The following MYH15 variants were observed in gnomAD, a reference collection of about 807,000 sequenced individuals.
The protein encoded by MYH15 is myosin heavy chain 15, also known as myosin-15.
A neutral mutation model predicts 240.5 loss-of-function variants in MYH15; 227 were observed. The observed-to-expected ratio is 0.94, with a 90% confidence interval of 0.85 to 1.05. The LOEUF is 1.05. Among genes scored for constraint, MYH15 ranks in the 50% least tolerant of loss-of-function variants. MYH15 has a pLI of 0.00. For missense variants in MYH15, 2,217 were observed against 2,247.5 expected (o/e 0.99, Z 0.27); for synonymous variants, 785 against 796.7 (o/e 0.99, Z 0.25).
At chr3:108,486,069 G>C (rs2083303079) in intron 10 of MYH15, among the ~76,000 whole-genome samples, 1 of 152,160 alleles carries the variant, frequency 6.6e-6, no homozygotes, top group South Asian at 2.1e-4. Flanking sequence ...TATGCCAAAT[G>C]TCTATGCAGC....
intron 7 of MYH15, among the ~76,000 whole-genome samples, chr3:108,494,517 C>T (rs115064467): frequency 0.01 from 1,568 of 152,006 alleles, 7 homozygotes; most frequent in Non-Finnish European, 0.018. Context: ...TTCTTTAAGG[C>T]AAATTCCTAC....
intron 11 of MYH15, among the ~76,000 whole-genome samples, chr3:108,482,589 A>G (rs966224735): frequency 2.0e-5 from 3 of 152,220 alleles, no homozygotes; most frequent in African/African-American, 7.2e-5. Flanking sequence ...ATAAAAGCAT[A>G]TGTGAATATG....
In MYH15 at chr3:108,450,879, G is replaced by A. The variant is rs928485276; in HGVS notation, c.2399+3127C>T. ...AAAAATAAACACAAAGAAAGTAGAA[G>A]AAAAGAAAGAATAAAGGTAAGATCA... On this transcript the variant is annotated intron_variant, in intron 21 of 40. Transcript: ENST00000693548. Among the ~76,000 whole-genome samples the A allele has an allele frequency of 3.3e-5, 5 of 151,528 alleles. No homozygotes were observed. In the South Asian group the frequency reaches 1.0e-3, roughly 32 times the overall value.
chr3:108,492,447 G>T, intron 9 of MYH15, 53 bp downstream of exon 9: 2 of 1,324,804 alleles, frequency 1.5e-6, no homozygotes, highest in South Asian at 1.3e-5. Flanking sequence ...CCCCAAATAT[G>T]ACTTATTTTT....
chr3:108,397,569 T>C (rs1454319992), intron 35 of MYH15, among the ~76,000 whole-genome samples: 1 of 152,230 alleles, frequency 6.6e-6, no homozygotes, highest in African/African-American at 2.4e-5. Context: ...TCCATACCAG[T>C]CCAGGTTATG....
chr3:108,410,489 G>A, intron 31 of MYH15, 94 bp downstream of exon 31: 1 of 821,012 alleles, frequency 1.2e-6, no homozygotes, highest in Non-Finnish European at 1.8e-6. Flanking sequence ...AAACATGTTG[G>A]GAATGTGAAA....
chr3:108,388,469 T>C (rs1176574064), intron 38 of MYH15, among the ~76,000 whole-genome samples: 2 of 152,178 alleles, frequency 1.3e-5, no homozygotes, highest in Non-Finnish European at 2.9e-5. Flanking sequence ...AGGTCTCTCT[T>C]TAGTATTTTG....
At chr3:108,405,765 C>A (rs2082542160) in intron 32 of MYH15, among the ~76,000 whole-genome samples, 1 of 152,156 alleles carries the variant, frequency 6.6e-6, no homozygotes, top group Non-Finnish European at 1.5e-5. Context: ...TTACCCTTGA[C>A]TTTTTCTAAC....
intron 33 of MYH15, among the ~76,000 whole-genome samples, chr3:108,402,818 T>C (rs2082516201): frequency 1.3e-5 from 2 of 152,192 alleles, no homozygotes; most frequent in Non-Finnish European, 2.9e-5. Context: ...TGTTGTCAGC[T>C]CAGTCTTGGG....
At chr3:108,493,350 A>G (rs955561341) in intron 7 of MYH15, among the ~76,000 whole-genome samples, 173 bp from the exon 8 acceptor site, 3 of 152,130 alleles carry the variant, frequency 2.0e-5, no homozygotes, top group African/African-American at 7.2e-5. Flanking sequence ...GAAAAATGCA[A>G]TGTGGGTTTG....
At chr3:108,477,762 A>T (rs2083233190) in intron 11 of MYH15, among the ~76,000 whole-genome samples, 1 of 152,122 alleles carries the variant, frequency 6.6e-6, no homozygotes, top group African/African-American at 2.4e-5. Flanking sequence ...CAACAATAAT[A>T]CTTACACCCC....
intron 28 of MYH15, among the ~76,000 whole-genome samples, chr3:108,419,122 G>A (rs1045726752): frequency 1.3e-5 from 2 of 152,112 alleles, no homozygotes; most frequent in East Asian, 1.9e-4. Flanking sequence ...AATACATCAC[G>A]TATATATCAC....
chr3:108,434,337 C>T (rs1246436412), intron 25 of MYH15, among the ~76,000 whole-genome samples: 1 of 151,504 alleles, frequency 6.6e-6, no homozygotes, highest in Non-Finnish European at 1.5e-5. Flanking sequence ...CATGTGCCAC[C>T]AAGCCTGACT....
chr3:108,494,635 A>G (rs1236991648), intron 7 of MYH15, among the ~76,000 whole-genome samples: 1 of 152,124 alleles, frequency 6.6e-6, no homozygotes, highest in African/African-American at 2.4e-5. Flanking sequence ...CTGAGACTAC[A>G]GGTGCGCACC....
intron 33 of MYH15, among the ~76,000 whole-genome samples, chr3:108,401,687 T>C (rs1233104737): frequency 6.6e-6 from 1 of 152,232 alleles, no homozygotes; most frequent in Non-Finnish European, 1.5e-5. Context: ...TACATTCTAC[T>C]TAAGCAGACA....
chr3:108,499,548 C>T (rs2107235272), intron 4 of MYH15, 66 bp from the exon 5 acceptor site: 1 of 1,490,768 alleles, frequency 6.7e-7, no homozygotes. Flanking sequence ...TATGAACTTA[C>T]TCAAAATTTC....
chr3:108,437,822 C>A, intron 24 of MYH15, 123 bp from the exon 25 acceptor site: 3 of 972,820 alleles, frequency 3.1e-6, no homozygotes, highest in Non-Finnish European at 2.9e-6. Flanking sequence ...ATAAATGATG[C>A]CCAGTAACAT....
rs1429882548 is a variant in MYH15 at position 108,400,890 on chromosome 3, G to A, written c.4737-1623C>T. On this transcript the variant is annotated intron_variant, in intron 33 of 40. Transcript: ENST00000693548. ...TTGAAATTGGTTGACAGGTGGAGGTGCTACTTTTCGTGACCCCCATTCTGC... is the reference window on the plus strand; with the variant it reads ...TTGAAATTGGTTGACAGGTGGAGGTACTACTTTTCGTGACCCCCATTCTGC... Among the ~76,000 whole-genome samples, 6 of 152,268 alleles carry A rather than the reference G, an allele frequency of 3.9e-5. No individual in the cohort carries two copies. The East Asian group carries it at 1.2e-3, about 29-fold the overall frequency.
upstream of MYH15, chr3:108,510,649 G>A: frequency 6.6e-7 from 1 of 1,504,826 alleles, no homozygotes; most frequent in Non-Finnish European, 9.1e-7. Flanking sequence ...AGCTCTAAAT[G>A]AGCAACCATT....
Sources: gnomAD v4.1 joint callset for allele counts (sites outside exome capture counted in the v4.1 genomes callset) on GRCh38, gnomAD v4.1.1 for gene constraint, MANE v1.5 for transcripts, NCBI Gene and HGNC (gene_info 2026-07-23, HGNC 2026-07-21) for gene names.